The following TBC1D32 variants were observed in gnomAD, a reference collection of about 807,000 sequenced individuals.
TBC1D32 encodes the protein protein broad-minded.
Under a neutral mutation model 170.3 loss-of-function variants are expected in TBC1D32, and 151 were observed. The observed-to-expected ratio is 0.89, with a 90% CI of 0.78 to 1.01. TBC1D32 has a LOEUF of 1.01. TBC1D32 is among the 50% of genes least tolerant of loss of function. TBC1D32 has a pLI of 0.00. For missense variants in TBC1D32, 1,464 were observed against 1,457.1 expected, an observed-to-expected ratio of 1.00 and a Z score of -0.08; for synonymous variants, 498 against 488.0, an observed-to-expected ratio of 1.02 and a Z score of -0.27.
intron 22 of TBC1D32, 56 bp downstream of exon 22, chr6:121,205,019 G>C (rs1280623402): frequency 2.9e-6 from 3 of 1,036,142 alleles, no homozygotes; most frequent in Non-Finnish European, 4.3e-6. Context: ...CAGGACAAAT[G>C]CTTATTTTTT....
At chr6:121,224,729 T>G (rs1794878913) in intron 20 of TBC1D32, among the ~76,000 whole-genome samples, 1 of 152,116 alleles carries the variant, frequency 6.6e-6, no homozygotes, top group Admixed American at 6.6e-5. Flanking sequence ...ATCTCCTCCC[T>G]TAGTATGCCA....
intron 17 of TBC1D32, among the ~76,000 whole-genome samples, chr6:121,248,290 TC>T (rs1411414190): frequency 3.3e-5 from 5 of 151,994 alleles, no homozygotes; most frequent in Non-Finnish European, 7.4e-5. Context: ...ACACAACTTG[TC>T]AAAACGCCTG....
intron 21 of TBC1D32, among the ~76,000 whole-genome samples, chr6:121,218,268 G>T (rs530653287): frequency 6.6e-6 from 1 of 152,270 alleles, no homozygotes; most frequent in South Asian, 2.1e-4. Context: ...TAGAAACAAA[G>T]AATTACACTA....
At chr6:121,288,404 A>C (rs1371294179) in intron 12 of TBC1D32, among the ~76,000 whole-genome samples, 1 of 152,238 alleles carries the variant, frequency 6.6e-6, no homozygotes, top group Non-Finnish European at 1.5e-5. Context: ...AAAATCTAGA[A>C]GAAATAGATA....
Position 121,255,409 on chromosome 6 carries a change from G to A in TBC1D32, c.1937C>T (p.Thr646Ile), listed in dbSNP as rs553385620. The change falls in exon 17 of 32, where the codon ACA becomes ATA. Residue 646 changes from threonine to isoleucine, a missense_variant and splice_region_variant. By Grantham distance (89) the Thr-to-Ile change is moderately conservative. Around this residue, in one of 3 missense-constraint regions of TBC1D32, gnomAD observed 1,363 missense variants for 1,338.1 expected, o/e 1.02. Transcript: ENST00000398212. ...AGGAATTCTTTCTGATAGCAAACTT[G>A]TCTAAAAAATAGTAGAATAATTTAT... ...HESIAKAWKK[T>I]SLLSERIPTP... 1.4e-6 allele frequency: 2 copies of A among 1,454,160 alleles called. No homozygotes were observed. The highest frequency in any genetic ancestry group is 2.7e-5 in the East Asian group (1 of 37,448). 90.1% of individuals were successfully genotyped at this position (1,454,160 alleles called of 1,614,324 possible).
intron 24 of TBC1D32, among the ~76,000 whole-genome samples, chr6:121,135,196 C>T (rs113432855): frequency 4.4e-4 from 67 of 152,212 alleles, no homozygotes; most frequent in African/African-American, 1.6e-3. Flanking sequence ...AAAATGAAAG[C>T]TCCTCCATAA....
At chr6:121,176,282 T>C (rs975716550) in intron 22 of TBC1D32, among the ~76,000 whole-genome samples, 1 of 152,098 alleles carries the variant, frequency 6.6e-6, no homozygotes, top group African/African-American at 2.4e-5. Flanking sequence ...AAGCAAGCCA[T>C]GTAGCTATTG....
chr6:121,261,238 G>C (rs10428866), intron 15 of TBC1D32, among the ~76,000 whole-genome samples: 23,909 of 152,214 alleles, frequency 0.16, 3,405 homozygotes, highest in African/African-American at 0.38. Context: ...CAGACCGGAA[G>C]AGTTGGTTTC....
chr6:121,105,797 C>T lies in TBC1D32; in HGVS notation c.3465+226G>A, dbSNP rs570708335. Among the ~76,000 whole-genome samples the T allele has an allele frequency of 5.3e-5, 8 of 152,162 alleles. No homozygotes were observed. In the South Asian group the frequency reaches 1.7e-3, roughly 32 times the overall value. ...TCCATTAAAAAGCCTACATGTCATA[C>T]AGACTTTCAGAAGGTCTATGCCCTG... On this transcript the variant is annotated intron_variant, in intron 30 of 31. Coordinates refer to ENST00000398212, the MANE Select transcript of TBC1D32 (RefSeq NM_152730.6).
intron 25 of TBC1D32, among the ~76,000 whole-genome samples, chr6:121,127,175 T>C (rs963507519): frequency 2.6e-5 from 4 of 152,144 alleles, no homozygotes; most frequent in African/African-American, 9.6e-5. Context: ...CTATGTAAAA[T>C]TGTCCCTTAA....
At chr6:121,213,494 TAAAATAAAATAAAATAA>T (rs1793379969) in intron 21 of TBC1D32, among the ~76,000 whole-genome samples, 2 of 3,980 alleles carry the variant, frequency 5.0e-4, no homozygotes, top group African/African-American at 8.4e-4. Context: ...TAAAATAAAA[TAAAATAAAATAAAATAA>T]AATAAAATAA....
chr6:121,123,222 T>C (rs573532869), intron 26 of TBC1D32, among the ~76,000 whole-genome samples: 9 of 152,222 alleles, frequency 5.9e-5, no homozygotes, highest in African/African-American at 2.2e-4. Context: ...ATACCCAATT[T>C]GTTAACAGTT....
intron 17 of TBC1D32, among the ~76,000 whole-genome samples, chr6:121,245,717 G>A (rs191063323): frequency 7.2e-5 from 11 of 152,110 alleles, no homozygotes; most frequent in African/African-American, 2.4e-4. Flanking sequence ...TCAGCCCCAC[G>A]GGAGGAGCAA....
intron 5 of TBC1D32, among the ~76,000 whole-genome samples, chr6:121,307,228 A>T (rs1371197089): frequency 6.6e-6 from 1 of 151,946 alleles, no homozygotes; most frequent in Non-Finnish European, 1.5e-5. Context: ...TACAAAAATC[A>T]GCCAGGCATG....
intron 3 of TBC1D32, among the ~76,000 whole-genome samples, chr6:121,315,300 T>G (rs941079057): frequency 8.5e-5 from 13 of 152,210 alleles, no homozygotes; most frequent in Non-Finnish European, 1.0e-4. Flanking sequence ...GGGACCAGTA[T>G]ATGGCAGGTA....
intron 22 of TBC1D32, among the ~76,000 whole-genome samples, chr6:121,168,640 C>G (rs960092599): frequency 1.6e-5 from 2 of 123,804 alleles, no homozygotes; most frequent in African/African-American, 5.9e-5. Flanking sequence ...TGCAGCGCAC[C>G]AGCATGGCAC....
chr6:121,085,816 G>A (rs1379888201), intron 31 of TBC1D32, among the ~76,000 whole-genome samples: 3 of 152,178 alleles, frequency 2.0e-5, no homozygotes, highest in East Asian at 3.9e-4. Flanking sequence ...TTTAAACTCA[G>A]CTGAAGGGTA....
At chr6:121,267,429 C>T (rs1800684794) in intron 15 of TBC1D32, among the ~76,000 whole-genome samples, 1 of 152,160 alleles carries the variant, frequency 6.6e-6, no homozygotes, top group African/African-American at 2.4e-5. Context: ...AAATACTGCA[C>T]TTTTCCAACG....
At chr6:121,263,412 C>T (rs563948965) in intron 15 of TBC1D32, among the ~76,000 whole-genome samples, 2 of 152,126 alleles carry the variant, frequency 1.3e-5, no homozygotes, top group African/African-American at 4.8e-5. Flanking sequence ...ATACATGCAC[C>T]CAATATAGGA....
Sources: gnomAD v4.1 joint callset for allele counts (sites outside exome capture counted in the v4.1 genomes callset) on GRCh38, gnomAD v4.1.1 for gene constraint, gnomAD v4.1.1 regional missense constraint, MANE v1.5 for transcripts, NCBI Gene and HGNC (gene_info 2026-07-23, HGNC 2026-07-21) for gene names.